ARHGAP26: variants seen among roughly 807,000 people sequenced by gnomAD.
ARHGAP26 encodes the protein rho GTPase-activating protein 26.
A neutral mutation model predicts 104.8 loss-of-function variants in ARHGAP26; 38 were observed. The observed-to-expected ratio is 0.36, with a 90% CI of 0.28 to 0.48. ARHGAP26 has a LOEUF of 0.48. ARHGAP26 is among the 20% of genes least tolerant of loss of function. The probability of loss-of-function intolerance (pLI) is 0.99; values close to 1 mark genes in which losing one functional copy is unlikely to be tolerated. For missense variants in ARHGAP26, 704 were observed against 947.9 expected, an observed-to-expected ratio of 0.74 and a Z score of 3.38; for synonymous variants, 341 against 340.0, an observed-to-expected ratio of 1.00 and a Z score of -0.03.
At chr5:143,140,717 C>G (rs1599196820) in intron 19 of ARHGAP26, among the ~76,000 whole-genome samples, 2 of 151,456 alleles carry the variant, frequency 1.3e-5, no homozygotes, top group East Asian at 1.9e-4. Context: ...CATCAGCAGC[C>G]TAGGACACAT....
At chr5:143,033,650 C>T (rs1210287814) in intron 12 of ARHGAP26, among the ~76,000 whole-genome samples, 1 of 152,088 alleles carries the variant, frequency 6.6e-6, no homozygotes, top group Non-Finnish European at 1.5e-5. Flanking sequence ...AAGAAATAGC[C>T]TTTGTCTAGG....
At chr5:142,864,047 C>T (rs1426813055) in intron 1 of ARHGAP26, among the ~76,000 whole-genome samples, 1 of 152,108 alleles carries the variant, frequency 6.6e-6, no homozygotes, top group African/African-American at 2.4e-5. Context: ...CCAGCCCCTA[C>T]CGGTTTTTCC....
At position 143,133,992 on chromosome 5, in the gene ARHGAP26, C is replaced by T. The variant is rs1797644941; in HGVS notation, c.1724C>T (p.Pro575Leu). The change falls in exon 19 of 23, where the codon CCT (proline) becomes CTT (leucine). Residue 575 changes from proline (P) to leucine (L), a missense_variant. This residue lies in a region of ARHGAP26 where 217 missense variants were observed against 242.6 expected (regional missense o/e 0.89). Transcript: ENST00000645722. ...EKIFNTVPDM[P>L]LTNAQLHLSR... ...ATATTTAACACCGTGCCCGATATGC[C>T]TCTCACCAATGCCCAGCTGCACCTG... 1 of 1,612,410 alleles carries T rather than the reference C, an allele frequency of 6.2e-7. No homozygotes were observed. Among genetic ancestry groups the T allele is most frequent in the Non-Finnish European group, 8.5e-7 (1 of 1,179,142 alleles).
At chr5:143,037,791 A>G (rs1484580841) in intron 13 of ARHGAP26, among the ~76,000 whole-genome samples, 1 of 152,192 alleles carries the variant, frequency 6.6e-6, no homozygotes. Flanking sequence ...TAAAGATGTA[A>G]TTGTTTTCCT....
At chr5:142,959,995 A>G (rs1172464601) in intron 11 of ARHGAP26, among the ~76,000 whole-genome samples, 2 of 152,240 alleles carry the variant, frequency 1.3e-5, no homozygotes, top group African/African-American at 4.8e-5. Context: ...AGGGCCCAGT[A>G]ATAGAAATGG....
intron 4 of ARHGAP26, among the ~76,000 whole-genome samples, chr5:142,884,328 T>G (rs966786740): frequency 6.6e-6 from 1 of 152,252 alleles, no homozygotes; most frequent in Admixed American, 6.5e-5. Context: ...CCAAGTTTTC[T>G]TATCAGTCAA....
intron 17 of ARHGAP26, among the ~76,000 whole-genome samples, chr5:143,099,634 G>A (rs1188201032): frequency 6.6e-6 from 1 of 152,172 alleles, no homozygotes; most frequent in Non-Finnish European, 1.5e-5. Context: ...CTCACTCTGT[G>A]TGCACTTAAC....
chr5:142,908,135 C>T (rs2152470326), intron 9 of ARHGAP26, among the ~76,000 whole-genome samples: 1 of 152,186 alleles, frequency 6.6e-6, no homozygotes, highest in East Asian at 1.9e-4. Context: ...TGATTCAGTC[C>T]CACTCCCACT....
chr5:142,864,710 C>A (rs192319376), intron 1 of ARHGAP26, among the ~76,000 whole-genome samples: 1 of 152,174 alleles, frequency 6.6e-6, no homozygotes, highest in Non-Finnish European at 1.5e-5. Context: ...AAGGCAGGGC[C>A]GGGGGCATCC....
intron 1 of ARHGAP26, among the ~76,000 whole-genome samples, chr5:142,850,071 C>G (rs762628179): frequency 6.6e-6 from 1 of 152,346 alleles, no homozygotes; most frequent in East Asian, 1.9e-4. Context: ...AGACTCTGCT[C>G]TGCTGCCTCC....
chr5:143,069,443 C>T (rs1787948006), intron 17 of ARHGAP26, among the ~76,000 whole-genome samples: 1 of 152,204 alleles, frequency 6.6e-6, no homozygotes, highest in African/African-American at 2.4e-5. Context: ...TCAGTTCCAA[C>T]TACCTTTGTC....
intron 1 of ARHGAP26, among the ~76,000 whole-genome samples, chr5:142,840,568 TAA>T (rs1445518257): frequency 9.9e-5 from 15 of 152,168 alleles, no homozygotes; most frequent in Admixed American, 6.5e-5. Flanking sequence ...AGAAAATGTT[TAA>T]GAGTTGTGCT....
At chr5:143,139,578 G>A (rs576680826) in intron 19 of ARHGAP26, among the ~76,000 whole-genome samples, 5 of 152,300 alleles carry the variant, frequency 3.3e-5, no homozygotes, top group South Asian at 4.1e-4. Flanking sequence ...CTCAATGTGC[G>A]TCCTGGCAGG....
At chr5:142,792,665 T>A (rs1760101407) in intron 1 of ARHGAP26, among the ~76,000 whole-genome samples, 1 of 152,180 alleles carries the variant, frequency 6.6e-6, no homozygotes, top group South Asian at 2.1e-4. Flanking sequence ...AATTAGTTCA[T>A]GACCTAGAGA....
At chr5:142,974,676 G>A (rs139209898) in intron 11 of ARHGAP26, among the ~76,000 whole-genome samples, 30 of 152,262 alleles carry the variant, frequency 2.0e-4, no homozygotes, top group African/African-American at 5.3e-4. Flanking sequence ...CTCCGCTCCC[G>A]CCTGAGCTTT....
chr5:142,932,004 A>G (rs769561264), intron 10 of ARHGAP26, 43 bp from the exon 11 acceptor site: 3 of 1,569,690 alleles, frequency 1.9e-6, no homozygotes, highest in African/African-American at 1.3e-5. Context: ...ATCTCTCTAC[A>G]TGTGGCACTG....
chr5:142,902,853 G>C lies in ARHGAP26; in HGVS notation c.703-687G>C, dbSNP rs143675987. On this transcript the variant is annotated intron_variant, in intron 7 of 22. Coordinates refer to ENST00000645722, the MANE Select transcript of ARHGAP26 (RefSeq NM_001135608.3). Reference sequence around the variant, plus strand: ...GCTCTGAAATCGAGATTGACATGCAGTGGGCTTACTGGAGGTGGGGGCAAT... The same window carrying C: ...GCTCTGAAATCGAGATTGACATGCACTGGGCTTACTGGAGGTGGGGGCAAT... Among the ~76,000 whole-genome samples, 17 of 152,340 alleles carry C rather than the reference G, an allele frequency of 1.1e-4. 1 individual carries two copies. The highest frequency in any genetic ancestry group is 1.1e-3 in the Admixed American group (17 of 15,306).
rs140854815 is a variant in ARHGAP26, at chr5:142,995,456, A to C, written c.1108-18624A>C. On this transcript the variant is annotated intron_variant, in intron 11 of 22. Coordinates refer to ENST00000645722, the MANE Select transcript of ARHGAP26 (RefSeq NM_001135608.3). ...TTAGAGAAATGCAAATCAAAACCACAGTGAGATACCATCTCATGCCAGTTA... is the reference window on the plus strand; with the variant it reads ...TTAGAGAAATGCAAATCAAAACCACCGTGAGATACCATCTCATGCCAGTTA... 5.9e-3 allele frequency among the ~76,000 whole-genome samples: 897 copies of C among 152,366 alleles called. 4 individuals are homozygous for C. Among genetic ancestry groups the C allele is most frequent in the African/African-American group, 0.021 (863 of 41,596 alleles).
chr5:143,055,992 T>C (rs777438429), intron 15 of ARHGAP26, 36 bp from the exon 16 acceptor site: 11 of 1,506,374 alleles, frequency 7.3e-6, no homozygotes, highest in Admixed American at 5.1e-5. Context: ...ATTATTCTTA[T>C]TATTAAGCTG....
Sources: gnomAD v4.1 joint callset for allele counts (sites outside exome capture counted in the v4.1 genomes callset) on GRCh38, gnomAD v4.1.1 for gene constraint, gnomAD v4.1.1 regional missense constraint, MANE v1.5 for transcripts, NCBI Gene and HGNC (gene_info 2026-07-23, HGNC 2026-07-21) for gene names.